IFI16: variants seen among roughly 807,000 people sequenced by gnomAD.
IFI16 encodes the protein interferon gamma inducible protein 16.
IFI16 carries 49 observed loss-of-function variants against 68.4 expected under a neutral mutation model. That is an observed-to-expected ratio of 0.72 (90% CI 0.57 to 0.91). The LOEUF (loss-of-function observed/expected upper bound fraction) is 0.91, where lower values mean the gene tolerates loss of function less well. Among genes scored for constraint, IFI16 ranks in the 40% least tolerant of loss-of-function variants. The pLI, the probability that IFI16 is intolerant of heterozygous loss-of-function variation, is 0.00. For missense variants in IFI16, 878 were observed against 942.9 expected, an observed-to-expected ratio of 0.93 and a Z score of 0.90; for synonymous variants, 307 against 315.0, an observed-to-expected ratio of 0.97 and a Z score of 0.27.
intron 6 of IFI16, 82 bp downstream of exon 6, chr1:159,020,611 T>C (rs1481766842): frequency 2.0e-6 from 2 of 1,007,946 alleles, no homozygotes; most frequent in African/African-American, 3.3e-5. Context: ...GTTTGTAGGT[T>C]TTTTTTACAG....
intron 10 of IFI16, chr1:159,053,306 GA>G (rs141889724): frequency 2.7e-6 from 1 of 370,394 alleles, no homozygotes; most frequent in Non-Finnish European, 4.8e-6. Context: ...TTTTTTCCTA[GA>G]AAAAATCCAG....
At chr1:159,008,406 C>T (rs1652345720), upstream of IFI16, among the ~76,000 whole-genome samples, 1 of 152,178 alleles carries the variant, frequency 6.6e-6, no homozygotes, top group Admixed American at 6.5e-5. Context: ...CATTTCTTTG[C>T]TTCATCTATG....
intron 8 of IFI16, among the ~76,000 whole-genome samples, 190 bp from the exon 9 acceptor site, chr1:159,049,242 T>A (rs536587333): frequency 3.4e-5 from 5 of 147,026 alleles, no homozygotes; most frequent in South Asian, 4.2e-4. Context: ...TAATCCTGAC[T>A]GGGATGAGAG....
intron 4 of IFI16, among the ~76,000 whole-genome samples, chr1:159,017,446 G>A (rs1179100145): frequency 1.3e-5 from 2 of 151,604 alleles, no homozygotes; most frequent in Non-Finnish European, 2.9e-5. Flanking sequence ...TTTGTGGTGG[G>A]CACCATTTTT....
Position 159,010,160 on chromosome 1 carries a change from A to G in IFI16, c.-22A>G, listed in dbSNP as rs2276404. ...ACTACTGTTGAAAAAATTTCCAGTG[A>G]GGTGAGTACTGTTCCTGATTTTGTA... On this transcript the variant is annotated splice_region_variant and 5_prime_UTR_variant, in exon 1 of 12. Coordinates refer to ENST00000295809, the MANE Select transcript of IFI16 (RefSeq NM_001376587.1). The G allele has an allele frequency of 0.17, 26,495 of 151,988 alleles. 2,642 individuals are homozygous for G. The highest frequency in any genetic ancestry group is 0.36 in the East Asian group (1,849 of 5,162). 9.4% of individuals were successfully genotyped at this position (151,988 alleles called of 1,614,324 possible). A position where few individuals can be genotyped will look rare whatever the true frequency, so the allele number is the denominator to read the frequency against.
intron 9 of IFI16, among the ~76,000 whole-genome samples, chr1:159,050,301 T>A (rs1655267459): frequency 6.6e-6 from 1 of 152,244 alleles, no homozygotes; most frequent in Non-Finnish European, 1.5e-5. Context: ...CAGTATTCTG[T>A]GTATTTACAA....
intron 7 of IFI16, among the ~76,000 whole-genome samples, chr1:159,041,936 T>C (rs991312593): frequency 3.9e-5 from 6 of 152,226 alleles, no homozygotes; most frequent in African/African-American, 1.4e-4. Flanking sequence ...TTCTGATTTC[T>C]CCTACATACT....
intron 2 of IFI16, 64 bp downstream of exon 2, chr1:159,015,009 A>G (rs1652833934): frequency 2.1e-6 from 3 of 1,417,348 alleles, no homozygotes; most frequent in African/African-American, 2.9e-5. Flanking sequence ...AACATTGATT[A>G]GAGCCCCACC....
At chr1:159,044,639 AT>A (rs1654870397) in intron 7 of IFI16, among the ~76,000 whole-genome samples, 1 of 152,184 alleles carries the variant, frequency 6.6e-6, no homozygotes, top group Non-Finnish European at 1.5e-5. Context: ...AAGGTATGTG[AT>A]TTTAGAGATA....
chr1:159,015,252 CTG>C (rs1368543390), intron 2 of IFI16, among the ~76,000 whole-genome samples: 2 of 152,200 alleles, frequency 1.3e-5, no homozygotes, highest in South Asian at 4.1e-4. Context: ...ATCATAAAAA[CTG>C]TTTAAATTCA....
chr1:159,044,157 T>TA (rs953483304), intron 7 of IFI16, among the ~76,000 whole-genome samples: 4 of 151,994 alleles, frequency 2.6e-5, no homozygotes, highest in African/African-American at 7.3e-5. Flanking sequence ...TATAACACCA[T>TA]AAAAAAATGC....
chr1:159,053,510 T>C (rs1425768667), intron 10 of IFI16, 23 bp from the exon 11 acceptor site: 26 of 1,476,456 alleles, frequency 1.8e-5, no homozygotes, highest in Non-Finnish European at 2.4e-5. Context: ...TTTCAGAAGA[T>C]AAGTGTTAAT....
intron 6 of IFI16, among the ~76,000 whole-genome samples, chr1:159,026,474 T>C (rs1653677458): frequency 6.6e-6 from 1 of 151,990 alleles, no homozygotes; most frequent in African/African-American, 2.4e-5. Context: ...AATTTTTGTA[T>C]CTTTAGTAGA....
At chr1:159,026,615 C>G (rs1304473590) in intron 6 of IFI16, among the ~76,000 whole-genome samples, 3 of 152,028 alleles carry the variant, frequency 2.0e-5, no homozygotes, top group Non-Finnish European at 4.4e-5. Context: ...GTCATTTTCA[C>G]GATATTGATT....
chr1:159,044,354 C>T (rs1427693173), intron 7 of IFI16, among the ~76,000 whole-genome samples: 1 of 151,556 alleles, frequency 6.6e-6, no homozygotes, highest in Non-Finnish European at 1.5e-5. Flanking sequence ...GTTAAAATGT[C>T]TGCAGTTTAT....
chr1:159,051,584 G>C (rs1461509696), intron 9 of IFI16, 95 bp from the exon 10 acceptor site: 2 of 929,692 alleles, frequency 2.2e-6, no homozygotes, highest in African/African-American at 3.3e-5. Flanking sequence ...GGTGATACTT[G>C]AGGACCAACA....
chr1:159,037,765 G>A (rs1347325289), intron 7 of IFI16, among the ~76,000 whole-genome samples: 1 of 151,996 alleles, frequency 6.6e-6, no homozygotes, highest in African/African-American at 2.4e-5. Context: ...GGAATAAAGA[G>A]GCTTTTTTGA....
intron 1 of IFI16, among the ~76,000 whole-genome samples, chr1:159,011,011 AT>A (rs2101794482): frequency 6.6e-6 from 1 of 152,302 alleles, no homozygotes; most frequent in East Asian, 1.9e-4. Flanking sequence ...CGTTGTTCAA[AT>A]TTATTATATC....
At chr1:159,013,888 G>C (rs908382714) in intron 1 of IFI16, among the ~76,000 whole-genome samples, 1 of 152,176 alleles carries the variant, frequency 6.6e-6, no homozygotes. Flanking sequence ...GAATTTTGGG[G>C]AAGAAAAAGG....
Sources: gnomAD v4.1 joint callset for allele counts (sites outside exome capture counted in the v4.1 genomes callset) on GRCh38, gnomAD v4.1.1 for gene constraint, MANE v1.5 for transcripts, NCBI Gene and HGNC (gene_info 2026-07-23, HGNC 2026-07-21) for gene names.